The following KANSL1L variants were observed in gnomAD, a reference collection of about 807,000 sequenced individuals.
KANSL1L encodes KAT8 regulatory NSL complex subunit 1-like protein.
KANSL1L carries 25 observed loss-of-function variants against 108.6 expected under a neutral mutation model. The observed-to-expected ratio is 0.23, with a 90% confidence interval of 0.17 to 0.32. The LOEUF is 0.32. Among genes scored for constraint, KANSL1L ranks in the 10% least tolerant of loss-of-function variants. KANSL1L has a pLI of 1.00. For missense variants in KANSL1L, 1,137 were observed against 1,125.7 expected (o/e 1.01, Z -0.14); for synonymous variants, 405 against 395.1 (o/e 1.03, Z -0.30).
chr2:210,093,755 G>C (rs1326762525), intron 5 of KANSL1L, among the ~76,000 whole-genome samples: 1 of 152,170 alleles, frequency 6.6e-6, no homozygotes, highest in East Asian at 1.9e-4. Context: ...ATTAAAAGCA[G>C]GGACTCAAAC....
rs536967996 is a variant in KANSL1L at position 210,166,437 on chromosome 2, C to G, written c.-30+4712G>C. On this transcript the variant is annotated intron_variant, in intron 1 of 14. Coordinates refer to ENST00000281772, the MANE Select transcript of KANSL1L (RefSeq NM_152519.4). ...AAAGAAAAATAAAAAATTTGCTAATCTAATCTCAACGCTCAGAGTTGAAAC... is the reference window on the plus strand; with the variant it reads ...AAAGAAAAATAAAAAATTTGCTAATGTAATCTCAACGCTCAGAGTTGAAAC... 2.6e-5 allele frequency among the ~76,000 whole-genome samples: 4 copies of G among 152,192 alleles called. No individual in the cohort carries two copies. In the South Asian group the frequency reaches 8.3e-4, roughly 32 times the overall value.
intron 2 of KANSL1L, among the ~76,000 whole-genome samples, chr2:210,149,446 C>G (rs1331748142): frequency 6.6e-6 from 1 of 152,018 alleles, no homozygotes; most frequent in African/African-American, 2.4e-5. Context: ...TGTGTTAGCA[C>G]TTATTAAAAA....
In KANSL1L at chr2:210,118,899, G is replaced by A. The variant is rs184236426; in HGVS notation, c.1230+10132C>T. Among the ~76,000 whole-genome samples the A allele has an allele frequency of 2.8e-3, 421 of 152,016 alleles. 2 individuals are homozygous for A. Among genetic ancestry groups the A allele is most frequent in the African/African-American group, 9.8e-3 (407 of 41,470 alleles). ...AAAGAAAAGCCCAGAGCTGGGTGTG[G>A]TGGCTCATGCCTGTAATCCCAACAC... On this transcript the variant is annotated intron_variant, in intron 3 of 14. Transcript: ENST00000281772.
chr2:210,108,711 AAGGC>A (rs1167235647), intron 3 of KANSL1L, among the ~76,000 whole-genome samples: 1 of 152,216 alleles, frequency 6.6e-6, no homozygotes, highest in Non-Finnish European at 1.5e-5. Context: ...TTGTAAACTG[AAGGC>A]TCCTGTAAAG....
intron 5 of KANSL1L, chr2:210,096,825 A>G (rs1445275233): frequency 2.2e-6 from 2 of 905,630 alleles, no homozygotes; most frequent in Non-Finnish European, 2.6e-6. Context: ...CTGTTCCCAC[A>G]ATAGAACAAT....
At chr2:210,106,543 T>G (rs1575541919) in intron 3 of KANSL1L, among the ~76,000 whole-genome samples, 1 of 151,816 alleles carries the variant, frequency 6.6e-6, no homozygotes, top group Non-Finnish European at 1.5e-5. Context: ...GTGAGGCAGG[T>G]GGATCACTTG....
At chr2:210,139,870 T>A (rs929137436) in intron 2 of KANSL1L, among the ~76,000 whole-genome samples, 2 of 130,936 alleles carry the variant, frequency 1.5e-5, no homozygotes, top group Admixed American at 7.4e-5. Flanking sequence ...GTCTCCTGAG[T>A]GGCTGGAACT....
At position 210,090,935 on chromosome 2, in the gene KANSL1L, C is replaced by T. The variant is rs539627398; in HGVS notation, c.1550+7151G>A. On this transcript the variant is annotated intron_variant, in intron 5 of 14. Transcript: ENST00000281772. ...TATCTAATGTTTGTATTAATTTACACGTTTCAGCTCAGTGTGTACCTCAAA... is the reference window on the plus strand; with the variant it reads ...TATCTAATGTTTGTATTAATTTACATGTTTCAGCTCAGTGTGTACCTCAAA... Among the ~76,000 whole-genome samples the T allele has an allele frequency of 5.9e-5, 9 of 152,280 alleles. No individual in the cohort carries two copies. In the South Asian group the frequency reaches 8.3e-4, roughly 14 times the overall value.
intron 1 of KANSL1L, among the ~76,000 whole-genome samples, chr2:210,163,143 A>G (rs2095370348): frequency 6.6e-6 from 1 of 152,208 alleles, no homozygotes; most frequent in South Asian, 2.1e-4. Context: ...GGCAAACAAC[A>G]TAGTTTGAAG....
chr2:210,139,386 C>T (rs2095206548), intron 2 of KANSL1L, among the ~76,000 whole-genome samples: 1 of 152,160 alleles, frequency 6.6e-6, no homozygotes, highest in South Asian at 2.1e-4. Context: ...CAGGTATCAA[C>T]TCAACATACT....
chr2:210,148,057 T>A (rs528818587), intron 2 of KANSL1L, among the ~76,000 whole-genome samples: 4 of 152,342 alleles, frequency 2.6e-5, no homozygotes, highest in African/African-American at 9.6e-5. Context: ...AGAATTCCCT[T>A]AATCAAGTCT....
At chr2:210,063,050 C>A (rs573930649) in intron 6 of KANSL1L, among the ~76,000 whole-genome samples, 3 of 152,284 alleles carry the variant, frequency 2.0e-5, no homozygotes, top group African/African-American at 7.2e-5. Context: ...GTGGGCTGGG[C>A]CCAGGGTCGC....
At chr2:210,053,395 G>A (rs903914171) in intron 6 of KANSL1L, among the ~76,000 whole-genome samples, 24 of 152,178 alleles carry the variant, frequency 1.6e-4, no homozygotes, top group East Asian at 9.7e-4. Context: ...TCAGGAGTTC[G>A]AGACCAGCCT....
intron 3 of KANSL1L, among the ~76,000 whole-genome samples, chr2:210,121,153 C>A (rs1203691026): frequency 6.6e-6 from 1 of 151,994 alleles, no homozygotes; most frequent in Non-Finnish European, 1.5e-5. Flanking sequence ...GAGTATACAC[C>A]CAAAGGAATA....
intron 6 of KANSL1L, among the ~76,000 whole-genome samples, chr2:210,056,044 C>T (rs1344533674): frequency 6.6e-6 from 1 of 152,222 alleles, no homozygotes; most frequent in African/African-American, 2.4e-5. Context: ...TGGGCTGCGC[C>T]CAGGACCCCC....
chr2:210,094,437 A>G (rs1465400709), intron 5 of KANSL1L, among the ~76,000 whole-genome samples: 3 of 152,122 alleles, frequency 2.0e-5, no homozygotes, highest in African/African-American at 4.8e-5. Context: ...TGTTTTCTTC[A>G]TATACAACTA....
intron 3 of KANSL1L, among the ~76,000 whole-genome samples, chr2:210,110,215 T>G (rs2094890727): frequency 6.6e-6 from 1 of 152,230 alleles, no homozygotes; most frequent in Non-Finnish European, 1.5e-5. Context: ...GCTATTAAGT[T>G]CTGATGGAAA....
Position 210,029,909 on chromosome 2 carries a change from G to T in KANSL1L, c.2165C>A (p.Thr722Asn). 6.4e-7 allele frequency: 1 copy of T among 1,567,552 alleles called. No homozygotes were observed. The highest frequency in any genetic ancestry group is 8.8e-7 in the Non-Finnish European group (1 of 1,140,688). ...TTGAAAATCAGATTCTTCAAGTTTAGTTCTTTCTCCTGCCATGGAAAGAAC... is the reference window on the plus strand; with the variant it reads ...TTGAAAATCAGATTCTTCAAGTTTATTTCTTTCTCCTGCCATGGAAAGAAC... ...HLSETALGER[T>N]KLEESDFQHT... The change falls in exon 10 of 15, where the codon ACT becomes AAT. Residue 722 changes from threonine to asparagine, a missense_variant. Thr to Asn is a moderately conservative substitution (Grantham distance 65, BLOSUM62 0). Coordinates refer to ENST00000281772, the MANE Select transcript of KANSL1L (RefSeq NM_152519.4).
chr2:210,033,417 T>A (rs2094050185), intron 8 of KANSL1L, among the ~76,000 whole-genome samples: 1 of 152,246 alleles, frequency 6.6e-6, no homozygotes, highest in Admixed American at 6.5e-5. Context: ...TTTAATAACA[T>A]TTTGCTGTAG....
Sources: allele counts gnomAD v4.1 joint callset (sites outside exome capture counted in the v4.1 genomes callset), GRCh38; gene constraint gnomAD v4.1.1; transcripts MANE v1.5; gene names NCBI Gene and HGNC (gene_info 2026-07-23, HGNC 2026-07-21).